MGAT4C: variants seen among roughly 807,000 people sequenced by gnomAD.
The protein encoded by MGAT4C is MGAT4 family member C.
In MGAT4C, 19 loss-of-function variants were observed where a neutral mutation model predicts 40.1. The ratio of observed to expected loss-of-function variants is 0.47; its 90% CI spans 0.33 to 0.70. MGAT4C has a LOEUF of 0.70. MGAT4C is among the 30% of genes least tolerant of loss of function. The probability of loss-of-function intolerance (pLI) is 0.02; values close to 1 mark genes in which losing one functional copy is unlikely to be tolerated. For synonymous variants in MGAT4C, 181 were observed against 187.1 expected, an observed-to-expected ratio of 0.97 and a Z score of 0.27; for missense variants, 491 against 563.2, an observed-to-expected ratio of 0.87 and a Z score of 1.30.
At chr12:86,493,542 C>T (rs551031587) in intron 2 of MGAT4C, among the ~76,000 whole-genome samples, 38 of 150,160 alleles carry the variant, frequency 2.5e-4, no homozygotes, top group Middle Eastern at 6.9e-3. Context: ...TAAACTATCG[C>T]AAGGACAAAA....
chr12:86,015,190 A>G (rs1888955735), intron 2 of MGAT4C, among the ~76,000 whole-genome samples: 1 of 151,744 alleles, frequency 6.6e-6, no homozygotes, highest in African/African-American at 2.4e-5. Flanking sequence ...GAATGGTTAC[A>G]TTAAATAATA....
rs143685346 is a variant in MGAT4C at position 86,312,144 on chromosome 12, C to T, written c.-57+21921G>A. Among the ~76,000 whole-genome samples, 917 of 152,276 alleles carry T rather than the reference C, an allele frequency of 6.0e-3. 12 individuals carry two copies. The highest frequency in any genetic ancestry group is 0.041 in the Middle Eastern group (12 of 294). On this transcript the variant is annotated intron_variant, in intron 4 of 7. Transcript: ENST00000548651. ...ATACTGGATTCTCAAAATAACATAG[C>T]TGGTCCTGCTTCTCAGGGTATTTTA...
intron 2 of MGAT4C, among the ~76,000 whole-genome samples, chr12:86,566,246 G>T (rs1273151238): frequency 2.6e-5 from 4 of 151,874 alleles, no homozygotes; most frequent in African/African-American, 9.7e-5. Flanking sequence ...ATTTTAGTCA[G>T]TGGGCTGGGA....
intron 1 of MGAT4C, among the ~76,000 whole-genome samples, chr12:86,227,045 C>T (rs919613576): frequency 6.6e-6 from 1 of 151,882 alleles, no homozygotes; most frequent in South Asian, 2.1e-4. Flanking sequence ...CCTGTCAAAG[C>T]CATTACTTGC....
chr12:86,271,745 A>C (rs150463886), intron 4 of MGAT4C, among the ~76,000 whole-genome samples: 4 of 152,346 alleles, frequency 2.6e-5, no homozygotes, highest in African/African-American at 9.6e-5. Context: ...ATGTGGAACC[A>C]ATTAGTTTTC....
intron 2 of MGAT4C, among the ~76,000 whole-genome samples, chr12:86,573,039 T>G (rs1960431463): frequency 6.6e-6 from 1 of 150,614 alleles, no homozygotes; most frequent in East Asian, 1.9e-4. Context: ...AACATGTCTG[T>G]TTTTTTTTCC....
intron 1 of MGAT4C, among the ~76,000 whole-genome samples, chr12:86,155,593 C>A (rs1884835209): frequency 6.6e-6 from 1 of 152,014 alleles, no homozygotes; most frequent in Non-Finnish European, 1.5e-5. Context: ...TACTGATATG[C>A]AAAGGTATGA....
chr12:86,300,459 C>T (rs1307584541), intron 4 of MGAT4C, among the ~76,000 whole-genome samples: 1 of 151,982 alleles, frequency 6.6e-6, no homozygotes, highest in Non-Finnish European at 1.5e-5. Context: ...TGATCAAAAT[C>T]TGTCTAGGTA....
In MGAT4C at chr12:85,963,335, G is replaced by A. The variant is rs1053598719; in HGVS notation, c.*15954C>T. 6.6e-6 allele frequency: 1 copy of A among 151,784 alleles called. No individual in the cohort carries two copies. The highest frequency in any genetic ancestry group is 1.5e-5 in the Non-Finnish European group (1 of 67,870). The allele number at this position is 151,784 out of a possible 1,614,324, so 9.4% of individuals were successfully genotyped here. A position where few individuals can be genotyped will look rare whatever the true frequency, so the allele number is the denominator to read the frequency against. ...GAAATATATTCTTGAAATGTAACTA[G>A]CACATAGTCAGTGTTTCTTAACCAT... On this transcript the variant is annotated 3_prime_UTR_variant, in exon 5 of 5. Coordinates refer to ENST00000611864, the MANE Select transcript of MGAT4C (RefSeq NM_001351288.2).
chr12:86,050,359 T>A (rs530209571), intron 1 of MGAT4C, among the ~76,000 whole-genome samples: 14 of 152,150 alleles, frequency 9.2e-5, no homozygotes, highest in Non-Finnish European at 1.8e-4. Context: ...AATAAGCGAA[T>A]AAAATTCTCT....
chr12:86,768,302 A>G (rs567483508), intron 1 of MGAT4C, among the ~76,000 whole-genome samples: 1 of 152,298 alleles, frequency 6.6e-6, no homozygotes, highest in Admixed American at 6.5e-5. Context: ...TAGGAATCCA[A>G]CTTACGAGGG....
intron 2 of MGAT4C, among the ~76,000 whole-genome samples, chr12:86,656,079 G>A (rs537875365): frequency 4.6e-5 from 7 of 151,934 alleles, no homozygotes; most frequent in Non-Finnish European, 7.4e-5. Context: ...CATAAGTAGA[G>A]CTTCAGTAAA....
At chr12:86,298,583 A>T (rs1566269376) in intron 4 of MGAT4C, among the ~76,000 whole-genome samples, 1 of 152,140 alleles carries the variant, frequency 6.6e-6, no homozygotes, top group Non-Finnish European at 1.5e-5. Flanking sequence ...GAAACCTAAA[A>T]CCTCAAAAAT....
intron 2 of MGAT4C, among the ~76,000 whole-genome samples, chr12:86,677,730 A>G (rs1178853034): frequency 6.6e-6 from 1 of 152,140 alleles, no homozygotes; most frequent in Non-Finnish European, 1.5e-5. Flanking sequence ...CATAAAATCC[A>G]TTTGAGACTA....
At chr12:86,606,512 T>G (rs1020984194) in intron 2 of MGAT4C, among the ~76,000 whole-genome samples, 1 of 152,090 alleles carries the variant, frequency 6.6e-6, no homozygotes, top group African/African-American at 2.4e-5. Flanking sequence ...TACCAGACAT[T>G]TGGGATGTCA....
intron 2 of MGAT4C, among the ~76,000 whole-genome samples, chr12:86,578,147 G>A (rs1393929112): frequency 6.6e-6 from 1 of 151,754 alleles, no homozygotes; most frequent in Non-Finnish European, 1.5e-5. Context: ...TGGTAAGGGA[G>A]GAAAAGAGAG....
intron 2 of MGAT4C, among the ~76,000 whole-genome samples, chr12:86,584,706 G>A (rs754913176): frequency 1.3e-5 from 2 of 151,260 alleles, no homozygotes; most frequent in Non-Finnish European, 3.0e-5. Context: ...GCTGCTAAAC[G>A]AATTTCACAA....
chr12:86,596,212 TA>T (rs1961533161), intron 2 of MGAT4C, among the ~76,000 whole-genome samples: 1 of 151,854 alleles, frequency 6.6e-6, no homozygotes, highest in Non-Finnish European at 1.5e-5. Flanking sequence ...AATAAATAAA[TA>T]AATAAATAAA....
chr12:86,517,937 C>G (rs1958724879), intron 2 of MGAT4C, among the ~76,000 whole-genome samples: 1 of 152,106 alleles, frequency 6.6e-6, no homozygotes. Flanking sequence ...CGTGAGCCAC[C>G]GTGCCCGGCC....
Sources: gnomAD v4.1 joint callset for allele counts (sites outside exome capture counted in the v4.1 genomes callset) on GRCh38, gnomAD v4.1.1 for gene constraint, MANE v1.5 for transcripts, NCBI Gene and HGNC (gene_info 2026-07-23, HGNC 2026-07-21) for gene names.